SMIM36: variants seen among roughly 807,000 people sequenced by gnomAD.
The protein encoded by SMIM36 is small integral membrane protein 36.
At chr17:55,467,700 A>G (rs1477740370) in intron 3 of SMIM36, among the ~76,000 whole-genome samples, 1 of 152,080 alleles carries the variant, frequency 6.6e-6, no homozygotes, top group Non-Finnish European at 1.5e-5. Context: ...TCGGCCAACC[A>G]TATTTTTAGT....
At position 55,503,828 on chromosome 17, in the gene SMIM36, C is replaced by G. The variant is rs1206998547; in HGVS notation, c.*174+7051G>C. On this transcript the variant is annotated intron_variant, in intron 1 of 4. Coordinates refer to ENST00000636752, the Ensembl canonical transcript of SMIM36. ...CATCAGTGTGCTGTATTCAGGAAAC[C>G]CATCTCACGTGCAGAGACACACATA... is the stretch of plus-strand genomic sequence containing the variant. Among the ~76,000 whole-genome samples, 4 of 129,964 alleles carry G rather than the reference C, an allele frequency of 3.1e-5. No individual in the cohort carries two copies. In the South Asian group the frequency reaches 1.1e-3, roughly 35 times the overall value. 85.3% of individuals were successfully genotyped at this position (129,964 alleles called of 152,430 possible).
At chr17:55,507,799 C>G (rs1053824960) in intron 1 of SMIM36, among the ~76,000 whole-genome samples, 1 of 152,140 alleles carries the variant, frequency 6.6e-6, no homozygotes, top group Non-Finnish European at 1.5e-5. Context: ...TTTACCTCTT[C>G]CGAACTGCAA....
chr17:55,469,245 G>A lies in SMIM36; in HGVS notation c.*348-1917C>T, dbSNP rs114469887. 4.6e-3 allele frequency among the ~76,000 whole-genome samples: 700 copies of A among 152,096 alleles called. 7 individuals carry two copies. Among genetic ancestry groups the A allele is most frequent in the African/African-American group, 0.016 (667 of 41,472 alleles). On this transcript the variant is annotated intron_variant, in intron 3 of 4. Transcript: ENST00000636752. ...CCAGTTTGGCTTACAGTTTCGTTCC[G>A]CGACTAGCTCTTCCCCACTTGCCCC... is the stretch of plus-strand genomic sequence containing the variant.
the SMIM36 span, among the ~76,000 whole-genome samples, chr17:55,519,381 G>A: frequency 2.4e-4 from 37 of 152,144 alleles, no homozygotes. Flanking sequence ...AATGTGGCGG[G>A]AAATTGTGAT....
intron 4 of SMIM36, among the ~76,000 whole-genome samples, chr17:55,464,429 G>A (rs192788712): frequency 1.1e-4 from 17 of 152,128 alleles, no homozygotes; most frequent in Non-Finnish European, 1.9e-4. Context: ...AATTCCACTT[G>A]TAGGATGTTC....
chr17:55,523,529 CAA>C, the SMIM36 span, among the ~76,000 whole-genome samples: 174 of 62,130 alleles, frequency 2.8e-3, no homozygotes, highest in African/African-American at 7.0e-3. Context: ...GACTCCGTCT[CAA>C]AAAAAAAAAA....
Position 55,507,684 on chromosome 17 carries a change from T to C in SMIM36, c.*174+3195A>G, listed in dbSNP as rs571395340. On this transcript the variant is annotated intron_variant, in intron 1 of 4. Coordinates refer to ENST00000636752, the Ensembl canonical transcript of SMIM36. ...CATGGCACATGTATACATATGTAAC[T>C]AACCTGCACAATGTGCACATGTACC... Among the ~76,000 whole-genome samples the C allele has an allele frequency of 4.5e-3, 642 of 142,708 alleles. 6 individuals carry two copies. Among genetic ancestry groups the C allele is most frequent in the African/African-American group, 0.016 (610 of 37,728 alleles). 93.6% of individuals were successfully genotyped at this position (142,708 alleles called of 152,430 possible).
chr17:55,462,849 T>C (rs1909169024), intron 4 of SMIM36, among the ~76,000 whole-genome samples: 1 of 152,076 alleles, frequency 6.6e-6, no homozygotes, highest in Admixed American at 6.6e-5. Flanking sequence ...GCCTCAGATG[T>C]GGAGAGGTCC....
At chr17:55,529,394 G>A in the SMIM36 span, among the ~76,000 whole-genome samples, 1 of 152,340 alleles carries the variant, frequency 6.6e-6, no homozygotes, top group South Asian at 2.1e-4. Context: ...AGGCTGAGAT[G>A]TGTGGATCAC....
intron 3 of SMIM36, among the ~76,000 whole-genome samples, chr17:55,474,314 G>A (rs183775133): frequency 6.9e-4 from 105 of 152,304 alleles, no homozygotes; most frequent in African/African-American, 2.5e-3. Context: ...CCTGTCCTGT[G>A]GAGCATCCCT....
the SMIM36 span, among the ~76,000 whole-genome samples, chr17:55,517,243 G>A: frequency 6.6e-6 from 1 of 152,132 alleles, no homozygotes; most frequent in Non-Finnish European, 1.5e-5. Context: ...TCTGAAATAG[G>A]ATTGAGATAC....
At chr17:55,516,408 C>A (rs2144728860), upstream of SMIM36, among the ~76,000 whole-genome samples, 1 of 152,256 alleles carries the variant, frequency 6.6e-6, no homozygotes, top group Middle Eastern at 3.4e-3. Context: ...AGTCCATAGA[C>A]TTTGAGCCAG....
chr17:55,480,542 T>G (rs1909501715), intron 1 of SMIM36, among the ~76,000 whole-genome samples: 1 of 152,168 alleles, frequency 6.6e-6, no homozygotes, highest in African/African-American at 2.4e-5. Flanking sequence ...TGGTTGATTT[T>G]TTGGGGGGAT....
the SMIM36 span, among the ~76,000 whole-genome samples, chr17:55,531,693 A>G: frequency 6.6e-6 from 1 of 152,204 alleles, no homozygotes; most frequent in Non-Finnish European, 1.5e-5. Context: ...TTTACTTTGT[A>G]TGGGCTACTT....
intron 1 of SMIM36, among the ~76,000 whole-genome samples, chr17:55,489,106 A>G (rs934409451): frequency 2.6e-5 from 4 of 152,198 alleles, no homozygotes; most frequent in African/African-American, 7.2e-5. Context: ...GGCCGGGCAC[A>G]ATGACTCACG....
intron 3 of SMIM36, among the ~76,000 whole-genome samples, chr17:55,470,203 A>C (rs951258675): frequency 1.3e-5 from 2 of 152,002 alleles, no homozygotes; most frequent in African/African-American, 4.8e-5. Flanking sequence ...CCACTCCCAG[A>C]GCCCCTGGAA....
At chr17:55,460,388 A>C (rs1567862671) in intron 4 of SMIM36, among the ~76,000 whole-genome samples, 1 of 151,510 alleles carries the variant, frequency 6.6e-6, no homozygotes, top group Non-Finnish European at 1.5e-5. Context: ...AGATTGTGCC[A>C]CTGCATTCCA....
chr17:55,453,154 C>A (rs2143223537), intron 4 of SMIM36, among the ~76,000 whole-genome samples: 1 of 152,178 alleles, frequency 6.6e-6, no homozygotes, highest in South Asian at 2.1e-4. Context: ...CAACACACAA[C>A]AAAATTTTTA....
At chr17:55,468,276 TC>T (rs2143253135) in intron 3 of SMIM36, 1 of 152,646 alleles carries the variant, frequency 6.6e-6, no homozygotes, top group South Asian at 2.1e-4. Context: ...CCTCAGGTCC[TC>T]AGACCAGCCC....
Sources: allele counts gnomAD v4.1 joint callset (sites outside exome capture counted in the v4.1 genomes callset), GRCh38; gene constraint gnomAD v4.1.1; transcripts MANE v1.5; gene names NCBI Gene and HGNC (gene_info 2026-07-23, HGNC 2026-07-21).